CEP112: variants seen among roughly 807,000 people sequenced by gnomAD.
CEP112 encodes centrosomal protein of 112 kDa.
In CEP112, 127 loss-of-function variants were observed where a neutral mutation model predicts 153.0. That is an observed-to-expected ratio of 0.83 (90% CI 0.72 to 0.96). The LOEUF is 0.96. Among genes scored for constraint, CEP112 ranks in the 40% least tolerant of loss-of-function variants. The pLI is 0.00. For synonymous variants in CEP112, 358 were observed against 374.4 expected, an observed-to-expected ratio of 0.96 and a Z score of 0.51; for missense variants, 1,089 against 1,101.2, an observed-to-expected ratio of 0.99 and a Z score of 0.16.
chr17:65,796,804 G>A (rs1414330130), intron 21 of CEP112, among the ~76,000 whole-genome samples: 1 of 150,890 alleles, frequency 6.6e-6, no homozygotes, highest in African/African-American at 2.4e-5. Flanking sequence ...AAGCTGAGGT[G>A]GGTGGACTGA....
chr17:65,659,528 C>T (rs1438528330), intron 24 of CEP112, among the ~76,000 whole-genome samples: 1 of 152,202 alleles, frequency 6.6e-6, no homozygotes, highest in African/African-American at 2.4e-5. Context: ...TCGATGAACG[C>T]TAATGAGGAT....
chr17:66,056,088 G>T (rs2066673004), intron 11 of CEP112, among the ~76,000 whole-genome samples: 2 of 152,150 alleles, frequency 1.3e-5, no homozygotes, highest in African/African-American at 4.8e-5. Context: ...TGGAGTTTAT[G>T]AAACCATAGG....
chr17:66,105,696 A>T (rs1029623439), intron 6 of CEP112, among the ~76,000 whole-genome samples: 1 of 152,076 alleles, frequency 6.6e-6, no homozygotes, highest in African/African-American at 2.4e-5. Context: ...TGGGAGGCTG[A>T]GGTGGGAGGA....
intron 6 of CEP112, among the ~76,000 whole-genome samples, chr17:66,125,994 A>G (rs955288274): frequency 5.3e-5 from 8 of 152,324 alleles, no homozygotes; most frequent in Admixed American, 2.0e-4. Flanking sequence ...TCAATGGAAG[A>G]TTTCAATTGT....
At chr17:65,914,854 C>T (rs1251503554) in intron 19 of CEP112, among the ~76,000 whole-genome samples, 1 of 152,200 alleles carries the variant, frequency 6.6e-6, no homozygotes, top group Non-Finnish European at 1.5e-5. Context: ...AAAACGGCTG[C>T]TCACAACGCA....
intron 4 of CEP112, among the ~76,000 whole-genome samples, chr17:66,163,295 C>G (rs560356969): frequency 6.6e-6 from 1 of 152,196 alleles, no homozygotes; most frequent in Non-Finnish European, 1.5e-5. Context: ...AATACAACTA[C>G]TGAATTACAA....
At chr17:65,673,833 C>A (rs1391717251) in intron 24 of CEP112, among the ~76,000 whole-genome samples, 1 of 152,160 alleles carries the variant, frequency 6.6e-6, no homozygotes, top group African/African-American at 2.4e-5. Context: ...GTATTTGCAA[C>A]TTATCTAACT....
chr17:65,755,261 C>T (rs1182347311), intron 21 of CEP112, among the ~76,000 whole-genome samples: 3 of 152,064 alleles, frequency 2.0e-5, no homozygotes, highest in Non-Finnish European at 2.9e-5. Context: ...GAAGGGGAAA[C>T]ATGCATATCT....
intron 20 of CEP112, among the ~76,000 whole-genome samples, chr17:65,896,533 T>C (rs931207886): frequency 6.6e-6 from 1 of 152,034 alleles, no homozygotes; most frequent in Non-Finnish European, 1.5e-5. Context: ...TATTAATTTG[T>C]ATAGTAATAT....
At chr17:65,698,137 T>C (rs2048446922) in intron 23 of CEP112, among the ~76,000 whole-genome samples, 1 of 152,228 alleles carries the variant, frequency 6.6e-6, no homozygotes, top group African/African-American at 2.4e-5. Flanking sequence ...GATACTGATG[T>C]GAAGGTTTTT....
At chr17:65,989,829 C>T (rs1392077924) in intron 17 of CEP112, among the ~76,000 whole-genome samples, 1 of 151,978 alleles carries the variant, frequency 6.6e-6, no homozygotes, top group Non-Finnish European at 1.5e-5. Flanking sequence ...TGTTAAGAGA[C>T]GGGCAATATA....
At chr17:65,903,652 CACG>C (rs1320049921) in intron 19 of CEP112, among the ~76,000 whole-genome samples, 1 of 152,090 alleles carries the variant, frequency 6.6e-6, no homozygotes, top group Non-Finnish European at 1.5e-5. Flanking sequence ...CTGGCAGAGA[CACG>C]ACAAGAAAAG....
At chr17:66,117,543 G>C (rs902070260) in intron 6 of CEP112, among the ~76,000 whole-genome samples, 77 of 152,186 alleles carry the variant, frequency 5.1e-4, no homozygotes, top group African/African-American at 1.7e-3. Context: ...GAATACAGTG[G>C]TATAACCAGC....
At chr17:65,775,601 C>T (rs2145569611) in intron 21 of CEP112, among the ~76,000 whole-genome samples, 1 of 152,180 alleles carries the variant, frequency 6.6e-6, no homozygotes, top group Middle Eastern at 3.4e-3. Context: ...CTCCCAGGTT[C>T]AATCTATTCT....
chr17:66,023,791 T>A (rs2065091172), intron 16 of CEP112, among the ~76,000 whole-genome samples: 1 of 152,160 alleles, frequency 6.6e-6, no homozygotes, highest in African/African-American at 2.4e-5. Flanking sequence ...ATATGAATAT[T>A]AGCCTTGAAT....
Position 65,655,145 on chromosome 17 carries a change from T to C in CEP112, c.2698-14080A>G, listed in dbSNP as rs2045994739. ...ATGGAGATGGGAGATAATAATGTCA[T>C]TGAATTAAAAGTGTATGTAGGCAGA... is the stretch of plus-strand genomic sequence containing the variant. On this transcript the variant is annotated intron_variant, in intron 24 of 26. Coordinates refer to ENST00000535342, the MANE Select transcript of CEP112 (RefSeq NM_001199165.4). 5 of 744,002 alleles carry C rather than the reference T, an allele frequency of 6.7e-6. No homozygotes were observed. The East Asian group carries it at 7.8e-5, about 12-fold the overall frequency. The allele number at this position is 744,002 out of a possible 1,614,324, so 46.1% of individuals were successfully genotyped here. A position where few individuals can be genotyped will look rare whatever the true frequency, so the allele number is the denominator to read the frequency against.
chr17:66,051,386 A>G (rs1218717527), intron 12 of CEP112, among the ~76,000 whole-genome samples: 1 of 148,584 alleles, frequency 6.7e-6, no homozygotes, highest in Non-Finnish European at 1.5e-5. Context: ...TATTTTATGT[A>G]TATTAATATA....
chr17:65,858,072 T>C (rs2058184179), intron 20 of CEP112, among the ~76,000 whole-genome samples: 1 of 152,218 alleles, frequency 6.6e-6, no homozygotes, highest in African/African-American at 2.4e-5. Flanking sequence ...AACTTGGTGA[T>C]TACATACGTT....
chr17:65,714,337 G>A (rs2049372712), intron 23 of CEP112, among the ~76,000 whole-genome samples: 1 of 152,048 alleles, frequency 6.6e-6, no homozygotes, highest in Non-Finnish European at 1.5e-5. Context: ...TCTGGGCTGT[G>A]ATAACCCAAC....
Sources: gnomAD v4.1 joint callset for allele counts (sites outside exome capture counted in the v4.1 genomes callset) on GRCh38, gnomAD v4.1.1 for gene constraint, MANE v1.5 for transcripts, NCBI Gene and HGNC (gene_info 2026-07-23, HGNC 2026-07-21) for gene names.